Variants in PCDHGB5 observed in about 807,000 individuals in gnomAD.
PCDHGB5 encodes protocadherin gamma-B5.
In PCDHGB5, 48 loss-of-function variants were observed where a neutral mutation model predicts 62.9. That is an observed-to-expected ratio of 0.76 (90% CI 0.61 to 0.97). The LOEUF is 0.97. Ranked by LOEUF, PCDHGB5 falls within the 50% of genes least tolerant of loss-of-function variation. The pLI is 0.00. For missense variants in PCDHGB5, 1,118 were observed against 1,198.6 expected (o/e 0.93, Z 0.99); for synonymous variants, 474 against 511.2 (o/e 0.93, Z 0.98).
At chr5:141,480,167 G>C (rs752444894) in intron 1 of PCDHGB5, among the ~76,000 whole-genome samples, 3 of 151,964 alleles carry the variant, frequency 2.0e-5, no homozygotes, top group Non-Finnish European at 2.9e-5. Flanking sequence ...ATTTTGGGAG[G>C]CTGAGGCAGG....
In PCDHGB5 at chr5:141,493,364, TTGGAAC is replaced by T. The variant is rs1405602213; in HGVS notation, c.2398-1441_2398-1436del. Among the ~76,000 whole-genome samples, 1 of 152,184 alleles carries T rather than the reference TTGGAAC, an allele frequency of 6.6e-6. No homozygotes were observed. Among genetic ancestry groups the T allele is most frequent in the South Asian group, 2.1e-4 (1 of 4,824 alleles). On this transcript the variant is annotated intron_variant, in intron 1 of 3. Coordinates refer to ENST00000617380, the MANE Select transcript of PCDHGB5 (RefSeq NM_018925.3). The surrounding 1 kb of genome is among the most constrained non-coding windows in gnomAD (Gnocchi z 4.3). Reference sequence around the variant, plus strand: ...ATGTGTGCTTTTAATTTCTTGGCACTTGGAACTTTAAAAGCTTGAGGACAGGAGAGG... The same window carrying T: ...ATGTGTGCTTTTAATTTCTTGGCACTTTTAAAAGCTTGAGGACAGGAGAGG...
In PCDHGB5 at chr5:141,414,051, A is replaced by G. The variant is rs747091153; in HGVS notation, c.2397+13527A>G. ...CATTCCGAAAATTACCTGACACGCA[A>G]TTGTTGAAGTTCCAACTAAACAAAT... On this transcript the variant is annotated intron_variant, in intron 1 of 3. Coordinates refer to ENST00000617380, the MANE Select transcript of PCDHGB5 (RefSeq NM_018925.3). 5.0e-6 allele frequency: 8 copies of G among 1,610,748 alleles called. No individual in the cohort carries two copies. The Admixed American group carries it at 8.4e-5, about 17-fold the overall frequency.
In PCDHGB5 at chr5:141,489,242, TG is replaced by T; in HGVS notation, c.2398-5561del. 6.5e-7 allele frequency: 1 copy of T among 1,534,498 alleles called. No homozygotes were observed. The highest frequency in any genetic ancestry group is 2.3e-5 in the East Asian group (1 of 44,312). On this transcript the variant is annotated intron_variant, in intron 1 of 3. Transcript: ENST00000617380. The surrounding 1 kb of genome is among the most constrained non-coding windows in gnomAD (Gnocchi z 4.5). ...TCTCCACAAAGGGACTTCTGGGTCA[TG>T]GGGCCCAAGACACTCCCACAGCTCG...
chr5:141,476,733 G>C lies in PCDHGB5; in HGVS notation c.2398-18074G>C, dbSNP rs373439335. On this transcript the variant is annotated intron_variant, in intron 1 of 3. Transcript: ENST00000617380. This position sits in a 1 kb window ranked among gnomAD's most constrained non-coding sequence, Gnocchi z 7.6. ...TTGGAGCGCGCCCTGGACCGAGAAC[G>C]GGAGCCTAGTCTCCAGTTAGTGCTG... 6.2e-6 allele frequency: 10 copies of C among 1,614,062 alleles called. No individual in the cohort carries two copies. The highest frequency in any genetic ancestry group is 2.2e-5 in the East Asian group (1 of 44,870).
chr5:141,459,253 ATTAGTGTTGCCTCT>A (rs1439680561), intron 1 of PCDHGB5, among the ~76,000 whole-genome samples: 1 of 152,174 alleles, frequency 6.6e-6, no homozygotes, highest in African/African-American at 2.4e-5. Context: ...GTCACTATAA[ATTAGTGTTGCCTCT>A]TTCAGAATTT....
chr5:141,497,003 A>C (rs928317358), intron 2 of PCDHGB5, among the ~76,000 whole-genome samples: 2 of 152,148 alleles, frequency 1.3e-5, no homozygotes, highest in African/African-American at 4.8e-5. Context: ...CTGGCAGCCA[A>C]CATGGTGAAA....
intron 1 of PCDHGB5, chr5:141,468,497 C>T (rs1033597673): frequency 2.0e-5 from 3 of 152,074 alleles, no homozygotes; most frequent in Non-Finnish European, 4.4e-5. Context: ...GGAAGATTTT[C>T]ATGTGGACAA....
rs750401937 is a variant in PCDHGB5 at position 141,487,357 on chromosome 5, T to G, written c.2398-7450T>G. 5.0e-6 allele frequency: 8 copies of G among 1,614,212 alleles called. No homozygotes were observed. The highest frequency in any genetic ancestry group is 6.8e-6 in the Non-Finnish European group (8 of 1,180,032). ...CCTGTGGAGTCACATGCTTTCCTGC[T>G]GGCACCTGTGCCTGTCTCACCAGAT... On this transcript the variant is annotated intron_variant, in intron 1 of 3. Transcript: ENST00000617380. This position sits in a 1 kb window ranked among gnomAD's most constrained non-coding sequence, Gnocchi z 5.0.
intron 1 of PCDHGB5, chr5:141,409,824 C>A (rs1265260597): frequency 6.2e-7 from 1 of 1,610,742 alleles, no homozygotes; most frequent in Non-Finnish European, 8.5e-7. Flanking sequence ...GGCTCGCCCA[C>A]GCTCAGCGCC....
At chr5:141,427,056 T>C (rs1472513807) in intron 1 of PCDHGB5, 1 of 457,676 alleles carries the variant, frequency 2.2e-6, no homozygotes, top group Non-Finnish European at 4.4e-6. Flanking sequence ...CCCAGGCACC[T>C]CTGTACTAAA....
In PCDHGB5 at chr5:141,486,329, A is replaced by C. The variant is rs1045072240; in HGVS notation, c.2398-8478A>C. 1.2e-6 allele frequency: 2 copies of C among 1,613,882 alleles called. No individual in the cohort carries two copies. Among genetic ancestry groups the C allele is most frequent in the African/African-American group, 2.7e-5 (2 of 74,866 alleles). ...AGACTCAGGGTCAAACGGAGATGTG[A>C]GCCTCCGCATTCCTGACCACTTGCC... On this transcript the variant is annotated intron_variant, in intron 1 of 3. Transcript: ENST00000617380. The surrounding 1 kb of genome is among the most constrained non-coding windows in gnomAD (Gnocchi z 5.0).
At chr5:141,457,573 C>T (rs934685938) in intron 1 of PCDHGB5, among the ~76,000 whole-genome samples, 3 of 152,206 alleles carry the variant, frequency 2.0e-5, no homozygotes, top group Non-Finnish European at 4.4e-5. Flanking sequence ...CAAAATTTTT[C>T]TCTCCAGTCC....
At chr5:141,420,334 T>A in intron 1 of PCDHGB5, 1 of 1,402,910 alleles carries the variant, frequency 7.1e-7, no homozygotes, top group Non-Finnish European at 9.5e-7. Context: ...TATATTCCAA[T>A]ATAGTGGTAT....
chr5:141,415,380 C>G (rs759710024), intron 1 of PCDHGB5: 1 of 1,614,250 alleles, frequency 6.2e-7, no homozygotes, highest in South Asian at 1.1e-5. Flanking sequence ...CAGGAGGCGG[C>G]TTGACAGGTG....
In PCDHGB5 at chr5:141,489,189, C is replaced by A; in HGVS notation, c.2398-5618C>A. 1 of 1,341,534 alleles carries A rather than the reference C, an allele frequency of 7.5e-7. No homozygotes were observed. The highest frequency in any genetic ancestry group is 1.0e-6 in the Non-Finnish European group (1 of 975,280). 83.1% of individuals were successfully genotyped at this position (1,341,534 alleles called of 1,614,324 possible). A position where few individuals can be genotyped will look rare whatever the true frequency, so the allele number is the denominator to read the frequency against. On this transcript the variant is annotated intron_variant, in intron 1 of 3. Transcript: ENST00000617380. This position sits in a 1 kb window ranked among gnomAD's most constrained non-coding sequence, Gnocchi z 4.5. ...TGCTGCATTCCAAGCCCTGGGTCTA[C>A]CTTGGAGACAGGACAGCACAGACTT...
chr5:141,475,106 G>T (rs1182368610), intron 1 of PCDHGB5, among the ~76,000 whole-genome samples: 6 of 152,220 alleles, frequency 3.9e-5, no homozygotes, highest in Admixed American at 2.0e-4. Context: ...ATCCTAGGTG[G>T]TAAATAGGCC....
Position 141,491,004 on chromosome 5 carries a change from G to T in PCDHGB5, c.2398-3803G>T. ...CTCGCTCTGCTCCTCCTGGCTCCTT[G>T]GTCACCAAGGTGACAGCCGTGGATG... On this transcript the variant is annotated intron_variant, in intron 1 of 3. Transcript: ENST00000617380. The surrounding 1 kb of genome is among the most constrained non-coding windows in gnomAD (Gnocchi z 6.9). The T allele has an allele frequency of 6.2e-7, 1 of 1,614,024 alleles. No individual in the cohort carries two copies. Among genetic ancestry groups the T allele is most frequent in the Non-Finnish European group, 8.5e-7 (1 of 1,180,026 alleles).
At chr5:141,427,924 G>A (rs1440880400) in intron 1 of PCDHGB5, 8 of 1,580,024 alleles carry the variant, frequency 5.1e-6, no homozygotes, top group East Asian at 2.2e-5. Context: ...ATGAGCCGGC[G>A]CATGTTGGTG....
Position 141,431,547 on chromosome 5 carries a change from T to C in PCDHGB5, c.2397+31023T>C. On this transcript the variant is annotated intron_variant, in intron 1 of 3. Transcript: ENST00000617380. The surrounding 1 kb of genome is among the most constrained non-coding windows in gnomAD (Gnocchi z 4.8). ...CTGGCCTTGGGCACGCAGCTGCTTG[T>C]AGTCAACGCTACCGACCCTGACGAA... The C allele has an allele frequency of 1.2e-6, 2 of 1,614,096 alleles. No homozygotes were observed. The highest frequency in any genetic ancestry group is 2.2e-5 in the East Asian group (1 of 44,882).
Sources: gnomAD v4.1 joint callset for allele counts (sites outside exome capture counted in the v4.1 genomes callset) on GRCh38, gnomAD v4.1.1 for gene constraint, Gnocchi (gnomAD v3.1) non-coding constraint, MANE v1.5 for transcripts, NCBI Gene and HGNC (gene_info 2026-07-23, HGNC 2026-07-21) for gene names.